CORO7: variants seen among roughly 807,000 people sequenced by gnomAD.
The protein encoded by CORO7 is coronin-7.
CORO7 carries 107 observed loss-of-function variants against 126.6 expected under a neutral mutation model. The observed-to-expected ratio is 0.85, with a 90% CI of 0.72 to 0.99. The LOEUF is 0.99. Among genes scored for constraint, CORO7 ranks in the 50% least tolerant of loss-of-function variants. The pLI is 0.00. For missense variants in CORO7, 1,314 were observed against 1,255.8 expected (o/e 1.05, Z -0.70); for synonymous variants, 603 against 536.8 (o/e 1.12, Z -1.70).
At position 4,362,306 on chromosome 16, in the gene CORO7, T is replaced by A; in HGVS notation, c.1403-146A>T. 3.3e-6 allele frequency: 4 copies of A among 1,221,130 alleles called. No individual in the cohort carries two copies. The highest frequency in any genetic ancestry group is 3.3e-6 in the Non-Finnish European group (3 of 896,292). The allele number at this position is 1,221,130 out of a possible 1,614,324, so 75.6% of individuals were successfully genotyped here. ...CCCAGGCCTTTGCTAATCCAGTGGATGCAACTCGCCCAGGAATAATGTCTG... is the reference window on the plus strand; with the variant it reads ...CCCAGGCCTTTGCTAATCCAGTGGAAGCAACTCGCCCAGGAATAATGTCTG... On this transcript the variant is annotated intron_variant, in intron 15 of 27. Coordinates refer to ENST00000251166, the MANE Select transcript of CORO7 (RefSeq NM_024535.5). This position sits in a 1 kb window ranked among gnomAD's most constrained non-coding sequence, Gnocchi z 5.3.
At chr16:4,382,360 C>T (rs1325409487) in intron 9 of CORO7, 9 of 1,611,944 alleles carry the variant, frequency 5.6e-6, no homozygotes, top group Non-Finnish European at 7.6e-6. Context: ...CAGGAGCCTC[C>T]GTCTCACCTA....
At chr16:4,363,282 A>G (rs1180554722) in intron 14 of CORO7, 1 of 151,354 alleles carries the variant, frequency 6.6e-6, no homozygotes, top group Non-Finnish European at 1.5e-5. Flanking sequence ...AAATATAAAA[A>G]TTGGCCAGGC....
chr16:4,362,511 A>G lies in CORO7; in HGVS notation c.1402+101T>C, dbSNP rs2054212943. On this transcript the variant is annotated intron_variant, in intron 15 of 27. Coordinates refer to ENST00000251166, the MANE Select transcript of CORO7 (RefSeq NM_024535.5). This position sits in a 1 kb window ranked among gnomAD's most constrained non-coding sequence, Gnocchi z 5.3. Reference sequence around the variant, plus strand: ...AGTCTGGGTGAGGGGGGTGCCCTGCATGAGGCCTGTGCTCAGCAGTAGGGT... The same window carrying G: ...AGTCTGGGTGAGGGGGGTGCCCTGCGTGAGGCCTGTGCTCAGCAGTAGGGT... 2 of 1,448,032 alleles carry G rather than the reference A, an allele frequency of 1.4e-6. No homozygotes were observed. The highest frequency in any genetic ancestry group is 1.8e-6 in the Non-Finnish European group (2 of 1,101,034). 89.7% of individuals were successfully genotyped at this position (1,448,032 alleles called of 1,614,324 possible). A position where few individuals can be genotyped will look rare whatever the true frequency, so the allele number is the denominator to read the frequency against.
chr16:4,363,610 G>A (rs563230752), intron 14 of CORO7, among the ~76,000 whole-genome samples: 1 of 152,298 alleles, frequency 6.6e-6, no homozygotes, highest in African/African-American at 2.4e-5. Flanking sequence ...TACTCAGGAG[G>A]CTCAGGCAGG....
chr16:4,414,865 T>A (rs933932768), intron 1 of CORO7, among the ~76,000 whole-genome samples: 11 of 152,096 alleles, frequency 7.2e-5, no homozygotes, highest in Non-Finnish European at 1.3e-4. Context: ...TTCTTGTTTG[T>A]TTTTTTCTTT....
chr16:4,375,152 G>A (rs2054674541), intron 9 of CORO7, among the ~76,000 whole-genome samples: 2 of 152,238 alleles, frequency 1.3e-5, no homozygotes, highest in Admixed American at 6.5e-5. Context: ...CACTTGAGCT[G>A]GGGCCTGGCC....
intron 7 of CORO7, among the ~76,000 whole-genome samples, chr16:4,394,717 G>A (rs1022637514): frequency 1.3e-5 from 2 of 152,238 alleles, no homozygotes; most frequent in African/African-American, 4.8e-5. Flanking sequence ...CCTGTCCCAG[G>A]GTTGTTGCTC....
chr16:4,359,546 G>T lies in CORO7; in HGVS notation c.2184C>A (p.Asp728Glu). Residue 728 changes from aspartate (D) to glutamate (E), a missense_variant, in exon 22 of 28, where the codon GAC becomes GAA. Transcript: ENST00000251166. ...AGGPLAVLGL[D>E]VAPSTLLPSY... is the part of the protein sequence containing the mutation. ...TGGGCAGCAGGGTTGAGGGAGCCAC[G>T]TCCAGGCCCAACACTGCCAAGGGTC... The T allele has an allele frequency of 6.2e-7, 1 of 1,613,256 alleles. No individual in the cohort carries two copies. The highest frequency in any genetic ancestry group is 8.5e-7 in the Non-Finnish European group (1 of 1,179,872).
chr16:4,400,910 G>A (rs1196036344), intron 6 of CORO7, among the ~76,000 whole-genome samples: 1 of 152,014 alleles, frequency 6.6e-6, no homozygotes, highest in African/African-American at 2.4e-5. Flanking sequence ...GGGGGAGGAG[G>A]TAAGGAATAT....
rs1297864112 is a variant in CORO7 at position 4,384,064 on chromosome 16, C to T, written c.785+3922G>A. ...AGGAAATCCTGCTCCCTGCCTCCTG[C>T]CCCTGGCTACAGCGAGGGCTCTGGT... On this transcript the variant is annotated intron_variant, in intron 9 of 27. Transcript: ENST00000251166. Among the ~76,000 whole-genome samples the T allele has an allele frequency of 2.6e-5, 4 of 152,354 alleles. No homozygotes were observed. The East Asian group carries it at 7.7e-4, about 29-fold the overall frequency.
At chr16:4,383,022 GT>G in intron 9 of CORO7, 2 of 1,108,024 alleles carry the variant, frequency 1.8e-6, no homozygotes, top group Non-Finnish European at 2.5e-6. Flanking sequence ...ACAGGGCTGT[GT>G]GACCACAGCT....
At chr16:4,361,325 G>A (rs369719381) in intron 17 of CORO7, 36 bp downstream of exon 17, 1 of 1,611,158 alleles carries the variant, frequency 6.2e-7, no homozygotes, top group African/African-American at 1.3e-5. Flanking sequence ...CGGGACCCAG[G>A]ACCCTCCCTC....
At chr16:4,356,163 G>T (rs1377763492) in intron 26 of CORO7, among the ~76,000 whole-genome samples, 4 of 151,728 alleles carry the variant, frequency 2.6e-5, no homozygotes, top group African/African-American at 7.3e-5. Context: ...ATGTTGGTCA[G>T]GCTGGTGTCG....
chr16:4,354,859 G>T lies in CORO7; in HGVS notation c.*299C>A, dbSNP rs2053922346. On this transcript the variant is annotated 3_prime_UTR_variant, in exon 28 of 28. Transcript: ENST00000251166. Reference sequence around the variant, plus strand: ...GCCCAGGTCAGCAGTGAGACCAGGGGAGACAGGGTGCCCAGGGCCTGCCCA... The same window carrying T: ...GCCCAGGTCAGCAGTGAGACCAGGGTAGACAGGGTGCCCAGGGCCTGCCCA... 4.9e-6 allele frequency: 2 copies of T among 408,852 alleles called. No individual in the cohort carries two copies. Among genetic ancestry groups the T allele is most frequent in the South Asian group, 2.0e-4 (2 of 9,820 alleles). 25.3% of individuals were successfully genotyped at this position (408,852 alleles called of 1,614,324 possible).
At chr16:4,393,601 G>T (rs1049437999) in intron 7 of CORO7, among the ~76,000 whole-genome samples, 4 of 152,150 alleles carry the variant, frequency 2.6e-5, no homozygotes, top group African/African-American at 7.2e-5. Flanking sequence ...GGGGCTCTGG[G>T]GCTCCGGGCT....
At position 4,362,480 on chromosome 16, in the gene CORO7, C is replaced by A. The variant is rs1322381072; in HGVS notation, c.1402+132G>T. ...CCAGCCCCCAGGACAAATGACCCTG[C>A]CAGTGAGTCTGGGTGAGGGGGGTGC... is the stretch of plus-strand genomic sequence containing the variant. On this transcript the variant is annotated intron_variant, in intron 15 of 27. Coordinates refer to ENST00000251166, the MANE Select transcript of CORO7 (RefSeq NM_024535.5). This position sits in a 1 kb window ranked among gnomAD's most constrained non-coding sequence, Gnocchi z 5.3. 7.1e-7 allele frequency: 1 copy of A among 1,416,666 alleles called. No individual in the cohort carries two copies. The highest frequency in any genetic ancestry group is 9.3e-7 in the Non-Finnish European group (1 of 1,079,378). The allele number at this position is 1,416,666 out of a possible 1,614,324, so 87.8% of individuals were successfully genotyped here.
rs772271708 is a variant in CORO7 at position 4,364,805 on chromosome 16, G to C, written c.1014C>G (p.Ile338Met). The stretch of plus-strand genomic sequence containing the variant: ...GGGGCACATGGTAGCCGATGGGCAC[G>C]ATGGCTGTGTCGCTCAGCTGTAGGA... ...LRVLQLSDTA[I>M]VPIGYHVPRK... The change falls in exon 12 of 28, where the codon ATC (isoleucine) becomes ATG (methionine). Residue 338 changes from isoleucine (I) to methionine (M), a missense_variant. Physicochemically the swap from Ile to Met is conservative, Grantham distance 10. Coordinates refer to ENST00000251166, the MANE Select transcript of CORO7 (RefSeq NM_024535.5). The C allele has an allele frequency of 9.3e-6, 15 of 1,611,610 alleles. No individual in the cohort carries two copies. Among genetic ancestry groups the C allele is most frequent in the Non-Finnish European group, 1.3e-5 (15 of 1,179,670 alleles).
At chr16:4,375,834 T>G (rs1390177420) in intron 9 of CORO7, among the ~76,000 whole-genome samples, 1 of 151,800 alleles carries the variant, frequency 6.6e-6, no homozygotes, top group Non-Finnish European at 1.5e-5. Flanking sequence ...AGCATGGAGG[T>G]TTTTTTTAGA....
intron 9 of CORO7, chr16:4,380,776 G>A: frequency 7.5e-7 from 1 of 1,327,008 alleles, no homozygotes; most frequent in Non-Finnish European, 1.0e-6. Flanking sequence ...TTTGGGGGCA[G>A]AAGCAGTGAA....
Sources: allele counts gnomAD v4.1 joint callset (sites outside exome capture counted in the v4.1 genomes callset), GRCh38; gene constraint gnomAD v4.1.1; non-coding constraint Gnocchi (gnomAD v3.1); transcripts MANE v1.5; gene names NCBI Gene and HGNC (gene_info 2026-07-23, HGNC 2026-07-21).